Variants in KCND2 observed in about 807,000 individuals in gnomAD.
KCND2 encodes the protein potassium voltage-gated channel subfamily D member 2.
In KCND2, 16 loss-of-function variants were observed where a neutral mutation model predicts 54.4. The ratio of observed to expected loss-of-function variants is 0.29; its 90% CI spans 0.20 to 0.45. KCND2 has a LOEUF of 0.45. KCND2 is among the 20% of genes least tolerant of loss of function. KCND2 has a pLI of 1.00. For synonymous variants in KCND2, 317 were observed against 310.7 expected, an observed-to-expected ratio of 1.02 and a Z score of -0.21; for missense variants, 486 against 824.2, an observed-to-expected ratio of 0.59 and a Z score of 5.02.
intron 1 of KCND2, among the ~76,000 whole-genome samples, chr7:120,407,217 C>T (rs560030073): frequency 1.7e-4 from 26 of 152,084 alleles, no homozygotes; most frequent in South Asian, 4.1e-4. Flanking sequence ...TAGATGTGTA[C>T]ATAGAACAAA....
chr7:120,399,970 CT>C (rs1801222974), intron 1 of KCND2, among the ~76,000 whole-genome samples: 1 of 152,112 alleles, frequency 6.6e-6, no homozygotes, highest in African/African-American at 2.4e-5. Context: ...ATGTGATTCT[CT>C]TGCCTTAGCC....
chr7:120,314,018 T>TA (rs1173797868), intron 1 of KCND2, among the ~76,000 whole-genome samples: 2 of 150,626 alleles, frequency 1.3e-5, no homozygotes, highest in Admixed American at 6.6e-5. Flanking sequence ...TACTAGGGTT[T>TA]AAAAAATCAA....
intron 1 of KCND2, among the ~76,000 whole-genome samples, chr7:120,341,657 C>T (rs965354183): frequency 6.6e-6 from 1 of 151,990 alleles, no homozygotes; most frequent in South Asian, 2.1e-4. Flanking sequence ...ACTTATTTGG[C>T]TGCAATAGAG....
intron 1 of KCND2, among the ~76,000 whole-genome samples, chr7:120,594,771 C>CA (rs1184544028): frequency 3.9e-5 from 6 of 152,244 alleles, no homozygotes; most frequent in African/African-American, 1.4e-4. Context: ...TCTGTAATCC[C>CA]AGCACTTTGG....
chr7:120,673,029 A>C (rs902643366), intron 1 of KCND2: 2 of 152,140 alleles, frequency 1.3e-5, no homozygotes, highest in Admixed American at 6.5e-5. Context: ...ACTTCTTGAA[A>C]TCTGAACACA....
intron 1 of KCND2, among the ~76,000 whole-genome samples, chr7:120,294,063 A>G (rs1254278365): frequency 1.3e-5 from 2 of 151,996 alleles, no homozygotes; most frequent in Non-Finnish European, 2.9e-5. Flanking sequence ...TTCTAATTGA[A>G]GTCACTCAAC....
intron 1 of KCND2, among the ~76,000 whole-genome samples, chr7:120,519,125 C>A (rs1006464209): frequency 6.6e-6 from 1 of 151,958 alleles, no homozygotes; most frequent in South Asian, 2.1e-4. Flanking sequence ...ATCAGGAGTT[C>A]GAGATCAGAC....
At chr7:120,590,260 C>G (rs905530633) in intron 1 of KCND2, among the ~76,000 whole-genome samples, 1 of 152,152 alleles carries the variant, frequency 6.6e-6, no homozygotes, top group Non-Finnish European at 1.5e-5. Context: ...CTCAAGATAT[C>G]TGCTCACTCG....
intron 1 of KCND2, among the ~76,000 whole-genome samples, chr7:120,668,777 A>G (rs1291503509): frequency 6.6e-6 from 1 of 152,228 alleles, no homozygotes; most frequent in East Asian, 1.9e-4. Context: ...CAGAAAATCA[A>G]TAATGTCCTA....
At chr7:120,732,849 G>A (rs1435919162) in intron 1 of KCND2, 54 bp from the exon 2 acceptor site, 1 of 1,480,310 alleles carries the variant, frequency 6.8e-7, no homozygotes, top group Non-Finnish European at 9.4e-7. Context: ...GTTTCAGGTA[G>A]AAATGTCTTT....
chr7:120,443,614 C>A (rs950586578), intron 1 of KCND2, among the ~76,000 whole-genome samples: 1 of 151,972 alleles, frequency 6.6e-6, no homozygotes, highest in African/African-American at 2.4e-5. Context: ...ACAACACTTT[C>A]AAAGTCTGAT....
At chr7:120,306,033 A>G (rs377268646) in intron 1 of KCND2, among the ~76,000 whole-genome samples, 2 of 152,238 alleles carry the variant, frequency 1.3e-5, no homozygotes, top group East Asian at 3.9e-4. Context: ...TGTTCAGATA[A>G]CATAGGTAAA....
intron 1 of KCND2, among the ~76,000 whole-genome samples, chr7:120,277,010 C>A (rs1239617419): frequency 6.6e-6 from 1 of 151,998 alleles, no homozygotes; most frequent in East Asian, 1.9e-4. Context: ...TAATTGGCTT[C>A]TTTAAATGAC....
chr7:120,714,611 T>C (rs1431553329), intron 1 of KCND2, among the ~76,000 whole-genome samples: 3 of 152,102 alleles, frequency 2.0e-5, no homozygotes, highest in Non-Finnish European at 4.4e-5. Context: ...ATTTATGTCA[T>C]TTACCTTCCC....
At chr7:120,520,743 C>G (rs1791680722) in intron 1 of KCND2, among the ~76,000 whole-genome samples, 1 of 152,132 alleles carries the variant, frequency 6.6e-6, no homozygotes, top group African/African-American at 2.4e-5. Context: ...AGACGAGAGA[C>G]ACAAAGGTTT....
intron 1 of KCND2, among the ~76,000 whole-genome samples, chr7:120,341,992 CAT>C (rs1234818156): frequency 6.6e-6 from 1 of 152,072 alleles, no homozygotes; most frequent in African/African-American, 2.4e-5. Context: ...GATCCCATCT[CAT>C]GTGATTTTTA....
chr7:120,735,234 G>A (rs1205164294), intron 2 of KCND2, among the ~76,000 whole-genome samples: 3 of 151,850 alleles, frequency 2.0e-5, no homozygotes, highest in Non-Finnish European at 4.4e-5. Flanking sequence ...TCTTATGTAG[G>A]GAATACATAC....
At chr7:120,424,078 A>T (rs555518923) in intron 1 of KCND2, among the ~76,000 whole-genome samples, 1 of 152,310 alleles carries the variant, frequency 6.6e-6, no homozygotes, top group South Asian at 2.1e-4. Flanking sequence ...AATTTTCTCT[A>T]AATCCTGGCT....
chr7:120,580,410 C>G (rs932807041), intron 1 of KCND2, among the ~76,000 whole-genome samples: 14 of 152,156 alleles, frequency 9.2e-5, no homozygotes, highest in African/African-American at 3.1e-4. Flanking sequence ...CCACTTTCCT[C>G]TCTCCTCCAC....
Sources: allele counts gnomAD v4.1 joint callset (sites outside exome capture counted in the v4.1 genomes callset), GRCh38; gene constraint gnomAD v4.1.1; transcripts MANE v1.5; gene names NCBI Gene and HGNC (gene_info 2026-07-23, HGNC 2026-07-21).